The following HDX variants were observed in gnomAD, a reference collection of about 807,000 sequenced individuals.
HDX encodes chromosome X open reading frame 43.
HDX carries 19 observed loss-of-function variants against 45.2 expected under a neutral mutation model. That is an observed-to-expected ratio of 0.42 (90% CI 0.29 to 0.62). HDX has a LOEUF of 0.62. Among genes scored for constraint, HDX ranks in the 20% least tolerant of loss-of-function variants. HDX has a pLI of 0.20. For synonymous variants in HDX, 188 were observed against 172.8 expected (o/e 1.09, Z -0.69); for missense variants, 532 against 493.9 (o/e 1.08, Z -0.73).
Position 84,468,446 on chromosome X carries a change from C to A in HDX, c.1251+26G>T, listed in dbSNP as rs779930015. On this transcript the variant is annotated intron_variant, in intron 4 of 10. Coordinates refer to ENST00000373177, the MANE Select transcript of HDX (RefSeq NM_001177479.2). ...TGGATACACACACAGTTTTTAAAAC[C>A]TTTATAAAATAAATTTACACATTAC... 7.0e-6 allele frequency: 7 copies of A among 999,231 alleles called. No homozygotes were observed. The African/African-American group carries it at 1.4e-4, about 19-fold the overall frequency. The allele number at this position is 999,231 out of a possible 1,213,427, so 82.3% of individuals were successfully genotyped here.
chrX:84,371,516 C>T (rs1158693918), intron 5 of HDX, among the ~76,000 whole-genome samples: 1 of 111,956 alleles, frequency 8.9e-6, no homozygotes, highest in Non-Finnish European at 1.9e-5. Context: ...GCAGCAATAG[C>T]TGAGCATGCT....
intron 5 of HDX, among the ~76,000 whole-genome samples, chrX:84,412,093 A>C (rs953727033): frequency 1.8e-5 from 2 of 111,512 alleles, no homozygotes; most frequent in Non-Finnish European, 3.8e-5. Flanking sequence ...AACAGCATAC[A>C]GTTGAGTCTT....
At chrX:84,391,073 A>G (rs73507085) in intron 5 of HDX, among the ~76,000 whole-genome samples, 1,657 of 111,859 alleles carry the variant, frequency 0.015, 30 homozygotes, top group African/African-American at 0.051. Flanking sequence ...ATGTAACTGT[A>G]TATTTGTATC....
intron 10 of HDX, among the ~76,000 whole-genome samples, chrX:84,322,600 C>T (rs1468183027): frequency 9.0e-6 from 1 of 110,684 alleles, no homozygotes; most frequent in East Asian, 2.8e-4. Context: ...CACCAGGGCA[C>T]AGCTGAATCA....
intron 4 of HDX, among the ~76,000 whole-genome samples, chrX:84,452,382 A>G (rs181894833): frequency 1.8e-5 from 2 of 111,163 alleles, no homozygotes; most frequent in Admixed American, 1.9e-4. Context: ...GCTGAGGAAA[A>G]AAAATCAATA....
chrX:84,348,863 A>T lies in HDX; in HGVS notation c.1453-4406T>A, dbSNP rs142017800. On this transcript the variant is annotated intron_variant, in intron 6 of 10. Coordinates refer to ENST00000373177, the MANE Select transcript of HDX (RefSeq NM_001177479.2). ...CCAATAGGTTAGGCTCTGGTAAAAT[A>T]TTTGCTCTTAAAAGCAGGCTTTCTT... Among the ~76,000 whole-genome samples, 517 of 111,738 alleles carry T rather than the reference A, an allele frequency of 4.6e-3. 1 individual carries two copies. Among genetic ancestry groups the T allele is most frequent in the African/African-American group, 0.016 (498 of 30,764 alleles).
intron 5 of HDX, among the ~76,000 whole-genome samples, chrX:84,376,276 T>C (rs2038054838): frequency 8.9e-6 from 1 of 112,272 alleles, no homozygotes; most frequent in South Asian, 3.6e-4. Context: ...CTCTGAGACT[T>C]TCTGGCTTCA....
In HDX at chrX:84,385,837, G is replaced by GTTT. The variant is rs764533335; in HGVS notation, c.1306-24228_1306-24226dup. ...GACTTGTTCTTTTCCTACTTGAATGGTTTTTTTTTTTTTTTTTTCGCCTGG... is the reference window on the plus strand; with the variant it reads ...GACTTGTTCTTTTCCTACTTGAATGGTTTTTTTTTTTTTTTTTTTTTCGCCTGG... On this transcript the variant is annotated intron_variant, in intron 5 of 10. Transcript: ENST00000373177. 4.2e-4 allele frequency among the ~76,000 whole-genome samples: 31 copies of GTTT among 73,431 alleles called. 1 individual carries two copies. Among genetic ancestry groups the GTTT allele is most frequent in the Non-Finnish European group, 5.9e-4 (23 of 38,797 alleles). 63.8% of individuals were successfully genotyped at this position (73,431 alleles called of 115,157 possible). A position where few individuals can be genotyped will look rare whatever the true frequency, so the allele number is the denominator to read the frequency against.
intron 4 of HDX, among the ~76,000 whole-genome samples, chrX:84,448,319 A>G (rs1177640681): frequency 2.7e-5 from 3 of 111,415 alleles, no homozygotes; most frequent in Non-Finnish European, 5.7e-5. Flanking sequence ...GGACATGGCC[A>G]GCACCTGAGG....
At chrX:84,367,234 C>A (rs1210242730) in intron 5 of HDX, among the ~76,000 whole-genome samples, 1 of 112,037 alleles carries the variant, frequency 8.9e-6, no homozygotes. Flanking sequence ...ATGAGGCCAA[C>A]AAACATATTT....
At chrX:84,394,674 C>T (rs2038517299) in intron 5 of HDX, among the ~76,000 whole-genome samples, 1 of 111,175 alleles carries the variant, frequency 9.0e-6, no homozygotes, top group Admixed American at 9.6e-5. Context: ...TATCTAGGTG[C>T]TCCAGTGCTT....
chrX:84,385,455 C>G (rs1433685848), intron 5 of HDX, among the ~76,000 whole-genome samples: 1 of 109,058 alleles, frequency 9.2e-6, no homozygotes, highest in Non-Finnish European at 1.9e-5. Flanking sequence ...CCTCGTGATC[C>G]GCCCGCCTCG....
rs377492977 is a variant in HDX, at chrX:84,440,633, C to T, written c.1252-48G>A. ...CTCAGTAAGCTATTTATTGACAGTA[C>T]TTGGAATGTTGATCAACACCAAAGA... On this transcript the variant is annotated intron_variant, in intron 4 of 10. Transcript: ENST00000373177. The T allele has an allele frequency of 1.7e-4, 142 of 829,024 alleles. 1 individual carries two copies. The South Asian group carries it at 2.3e-3, about 13-fold the overall frequency. 68.3% of individuals were successfully genotyped at this position (829,024 alleles called of 1,213,427 possible).
chrX:84,424,228 A>T (rs1229302217), intron 5 of HDX, among the ~76,000 whole-genome samples: 1 of 111,652 alleles, frequency 9.0e-6, no homozygotes, highest in Non-Finnish European at 1.9e-5. Context: ...GGACACAAAT[A>T]CACTTAAATA....
chrX:84,349,632 A>T (rs868398722), intron 6 of HDX, among the ~76,000 whole-genome samples: 1 of 77,877 alleles, frequency 1.3e-5, no homozygotes, highest in Non-Finnish European at 2.3e-5. Context: ...TATATATATA[A>T]ACAACCCTAA....
At chrX:84,330,929 G>C (rs1370317535) in intron 9 of HDX, among the ~76,000 whole-genome samples, 2 of 111,858 alleles carry the variant, frequency 1.8e-5, no homozygotes, top group Admixed American at 1.9e-4. Context: ...GCTTGTGAGA[G>C]GAACTAGTAT....
intron 5 of HDX, among the ~76,000 whole-genome samples, chrX:84,393,687 G>T (rs990756876): frequency 1.8e-5 from 2 of 110,580 alleles, no homozygotes; most frequent in Non-Finnish European, 3.8e-5. Context: ...TTACTGCTTT[G>T]ATCTCATTAC....
At chrX:84,430,807 T>C (rs58753842) in intron 5 of HDX, among the ~76,000 whole-genome samples, 9,222 of 110,071 alleles carry the variant, frequency 0.084, 534 homozygotes, top group African/African-American at 0.21. Context: ...TACTTGTTGA[T>C]GATTTCTTTC....
intron 5 of HDX, among the ~76,000 whole-genome samples, chrX:84,422,858 T>C (rs948281552): frequency 5.8e-4 from 63 of 108,006 alleles, no homozygotes; most frequent in Non-Finnish European, 1.1e-3. Context: ...TTAGTAGAGA[T>C]GGGGTTTCAC....
Sources: gnomAD v4.1 joint callset for allele counts (sites outside exome capture counted in the v4.1 genomes callset) on GRCh38, gnomAD v4.1.1 for gene constraint, MANE v1.5 for transcripts, NCBI Gene and HGNC (gene_info 2026-07-23, HGNC 2026-07-21) for gene names.